The following SCLT1 variants were observed in gnomAD, a reference collection of about 807,000 sequenced individuals.
SCLT1 encodes sodium channel-associated protein 1.
In SCLT1, 78 loss-of-function variants were observed where a neutral mutation model predicts 112.8. The ratio of observed to expected loss-of-function variants is 0.69; its 90% CI spans 0.58 to 0.83. SCLT1 has a LOEUF of 0.83. SCLT1 is among the 40% of genes least tolerant of loss of function. The pLI is 0.00. For synonymous variants in SCLT1, 257 were observed against 254.7 expected, an observed-to-expected ratio of 1.01 and a Z score of -0.09; for missense variants, 747 against 770.4, an observed-to-expected ratio of 0.97 and a Z score of 0.36.
chr4:129,092,568 G>C (rs993374437), intron 1 of SCLT1, among the ~76,000 whole-genome samples: 3 of 152,108 alleles, frequency 2.0e-5, no homozygotes. Flanking sequence ...ATGAGACTGT[G>C]GCAAAAGAGC....
chr4:129,080,162 G>A (rs1751811916), intron 2 of SCLT1, among the ~76,000 whole-genome samples: 1 of 152,148 alleles, frequency 6.6e-6, no homozygotes, highest in Admixed American at 6.5e-5. Flanking sequence ...TGCCTTTGAG[G>A]CATCTTTATT....
chr4:128,891,643 C>CTT lies in SCLT1; in HGVS notation c.1830-508_1830-507dup, dbSNP rs5861870. Reference sequence around the variant, plus strand: ...TACTGTGCTTCTTAGCTATAATATGCTTTTTTTTTTTTTTTTTTTGAGATG... The same window carrying CTT: ...TACTGTGCTTCTTAGCTATAATATGCTTTTTTTTTTTTTTTTTTTTTGAGATG... On this transcript the variant is annotated intron_variant, in intron 18 of 20. Coordinates refer to ENST00000281142, the MANE Select transcript of SCLT1 (RefSeq NM_144643.4). Among the ~76,000 whole-genome samples, 166 of 119,508 alleles carry CTT rather than the reference C, an allele frequency of 1.4e-3. 2 individuals carry two copies. The highest frequency in any genetic ancestry group is 6.9e-3 in the East Asian group (29 of 4,184). The allele number at this position is 119,508 out of a possible 152,430, so 78.4% of individuals were successfully genotyped here. A position where few individuals can be genotyped will look rare whatever the true frequency, so the allele number is the denominator to read the frequency against.
intron 4 of SCLT1, chr4:129,039,360 G>A (rs750493671): frequency 2.8e-5 from 9 of 317,194 alleles, no homozygotes; most frequent in African/African-American, 4.3e-5. Context: ...TAATTCCTAT[G>A]ACTTGTAGTT....
chr4:129,073,381 G>C (rs1751192232), intron 2 of SCLT1, among the ~76,000 whole-genome samples: 1 of 152,144 alleles, frequency 6.6e-6, no homozygotes, highest in South Asian at 2.1e-4. Context: ...TGGGATGACT[G>C]AACAGTTCAA....
chr4:128,949,398 C>T (rs1738497090), intron 14 of SCLT1, among the ~76,000 whole-genome samples: 1 of 151,928 alleles, frequency 6.6e-6, no homozygotes, highest in African/African-American at 2.4e-5. Context: ...AATTGTTATA[C>T]TTTAAGTTTT....
At chr4:128,898,490 A>C (rs1733976857) in intron 18 of SCLT1, among the ~76,000 whole-genome samples, 1 of 152,238 alleles carries the variant, frequency 6.6e-6, no homozygotes, top group South Asian at 2.1e-4. Flanking sequence ...ACAAAGACAC[A>C]ACATACCAGA....
At chr4:128,930,128 T>C (rs1444142338) in intron 18 of SCLT1, among the ~76,000 whole-genome samples, 3 of 152,160 alleles carry the variant, frequency 2.0e-5, no homozygotes, top group Non-Finnish European at 2.9e-5. Context: ...TTCTAATGAA[T>C]AGAAAAATGT....
chr4:129,045,390 A>G (rs139747512), intron 2 of SCLT1, among the ~76,000 whole-genome samples: 68 of 152,232 alleles, frequency 4.5e-4, no homozygotes, highest in African/African-American at 1.5e-3. Flanking sequence ...AAGTTAAAAG[A>G]CCTACAGCAT....
rs144166835 is a variant in SCLT1, at chr4:128,943,031, T to C, written c.1597A>G (p.Ile533Val). The change falls in exon 17 of 21, where the codon ATT becomes GTT. Residue 533 changes from isoleucine to valine, a missense_variant. Ile to Val is a conservative substitution (Grantham distance 29). Transcript: ENST00000281142. ...GCTTTTTTTTGAGCCTCCAGGGCAA[T>C]CTTCCTTAAACTCTCAGTCTCTTTC... ...LRKETESLRK[I>V]ALEAQKKAKV... 238 of 1,612,012 alleles carry C rather than the reference T, an allele frequency of 1.5e-4. No homozygotes were observed. The highest frequency in any genetic ancestry group is 1.9e-4 in the Non-Finnish European group (222 of 1,179,140).
At chr4:129,057,608 T>C (rs1749549193) in intron 2 of SCLT1, among the ~76,000 whole-genome samples, 1 of 151,290 alleles carries the variant, frequency 6.6e-6, no homozygotes, top group Non-Finnish European at 1.5e-5. Flanking sequence ...TCATTTCTCA[T>C]AATTGGTCTG....
At chr4:129,031,378 A>T (rs1470587200) in intron 5 of SCLT1, among the ~76,000 whole-genome samples, 1 of 152,138 alleles carries the variant, frequency 6.6e-6, no homozygotes, top group Non-Finnish European at 1.5e-5. Flanking sequence ...AAAAGCTGAA[A>T]GCGTTCCCTT....
intron 17 of SCLT1, 139 bp downstream of exon 17, chr4:128,942,857 A>C: frequency 1.8e-6 from 1 of 563,424 alleles, no homozygotes; most frequent in Non-Finnish European, 3.1e-6. Context: ...ATTGGTTAAC[A>C]CTCTGAATTA....
At position 128,964,536 on chromosome 4, in the gene SCLT1, C is replaced by T. The variant is rs183684809; in HGVS notation, c.869+691G>A. Reference sequence around the variant, plus strand: ...CTTGCAAGATTTTTCTGACATATTACGCCCAAGATGCAAAAAGAATCTACA... The same window carrying T: ...CTTGCAAGATTTTTCTGACATATTATGCCCAAGATGCAAAAAGAATCTACA... On this transcript the variant is annotated intron_variant, in intron 11 of 20. Transcript: ENST00000281142. Among the ~76,000 whole-genome samples the T allele has an allele frequency of 6.0e-3, 909 of 152,274 alleles. 7 individuals are homozygous for T. The highest frequency in any genetic ancestry group is 0.034 in the Middle Eastern group (10 of 294).
chr4:129,040,983 AAAC>A (rs1747651262), intron 4 of SCLT1, among the ~76,000 whole-genome samples: 2 of 152,216 alleles, frequency 1.3e-5, no homozygotes, highest in South Asian at 4.1e-4. Context: ...AAACAAAGTT[AAAC>A]ATCTTAGTAA....
chr4:129,019,164 T>C (rs765781619), intron 5 of SCLT1, among the ~76,000 whole-genome samples: 25 of 152,074 alleles, frequency 1.6e-4, no homozygotes, highest in Admixed American at 3.3e-4. Context: ...AAAAACTGAG[T>C]TCCATATAAA....
At chr4:128,899,910 G>A (rs1734125348) in intron 18 of SCLT1, among the ~76,000 whole-genome samples, 2 of 152,250 alleles carry the variant, frequency 1.3e-5, no homozygotes, top group South Asian at 4.1e-4. Context: ...AATCATGAGT[G>A]AACTCCCATT....
At chr4:129,067,277 T>C (rs542154485) in intron 2 of SCLT1, among the ~76,000 whole-genome samples, 4 of 151,828 alleles carry the variant, frequency 2.6e-5, no homozygotes, top group Non-Finnish European at 5.9e-5. Flanking sequence ...CCAATGTATA[T>C]ATTATAAGCA....
intron 5 of SCLT1, among the ~76,000 whole-genome samples, chr4:129,014,556 A>C (rs1744826313): frequency 6.6e-6 from 1 of 152,130 alleles, no homozygotes; most frequent in Non-Finnish European, 1.5e-5. Context: ...GACTGGCTTC[A>C]TTTCTGAAAG....
intron 2 of SCLT1, among the ~76,000 whole-genome samples, chr4:129,075,806 T>C (rs1360755188): frequency 6.6e-6 from 1 of 152,194 alleles, no homozygotes. Flanking sequence ...CTGTTGAGTC[T>C]TGTATTTGTT....
Sources: allele counts gnomAD v4.1 joint callset (sites outside exome capture counted in the v4.1 genomes callset), GRCh38; gene constraint gnomAD v4.1.1; transcripts MANE v1.5; gene names NCBI Gene and HGNC (gene_info 2026-07-23, HGNC 2026-07-21).